The following KLHL1 variants were observed in gnomAD, a reference collection of about 807,000 sequenced individuals.
KLHL1 encodes kelch like family member 1, also known as kelch-like protein 1.
Under a neutral mutation model 77.7 loss-of-function variants are expected in KLHL1, and 47 were observed. The observed-to-expected ratio is 0.60, with a 90% CI of 0.48 to 0.77. The LOEUF (loss-of-function observed/expected upper bound fraction) is 0.77, where lower values mean the gene tolerates loss of function less well. KLHL1 is among the 30% of genes least tolerant of loss of function. The pLI, the probability that KLHL1 is intolerant of heterozygous loss-of-function variation, is 0.00. For synonymous variants in KLHL1, 360 were observed against 325.2 expected (o/e 1.11, Z -1.15); for missense variants, 925 against 910.8 (o/e 1.02, Z -0.20).
Position 69,764,929 on chromosome 13 carries a change from C to CTTTTT in KLHL1, c.1640-24378_1640-24374dup, listed in dbSNP as rs71196263. Among the ~76,000 whole-genome samples, 395 of 39,714 alleles carry CTTTTT rather than the reference C, an allele frequency of 9.9e-3. 151 individuals carry two copies. The highest frequency in any genetic ancestry group is 0.012 in the Non-Finnish European group (268 of 22,404). 26.1% of individuals were successfully genotyped at this position (39,714 alleles called of 152,430 possible). On this transcript the variant is annotated intron_variant, in intron 7 of 10. Transcript: ENST00000377844. ...TCTCATGCTTTCATGTATATCTTTG[C>CTTTTT]TTTTTTTTTTTTTTTTTTTTTTTTT...
intron 3 of KLHL1, among the ~76,000 whole-genome samples, chr13:69,948,212 C>A (rs1321285311): frequency 1.3e-5 from 2 of 152,060 alleles, no homozygotes; most frequent in African/African-American, 2.4e-5. Flanking sequence ...AAGTGACTTC[C>A]TCAATTTCTC....
chr13:70,083,121 CA>C (rs796244476), intron 1 of KLHL1, among the ~76,000 whole-genome samples: 42 of 150,386 alleles, frequency 2.8e-4, no homozygotes, highest in African/African-American at 9.5e-4. Context: ...AGAAGTACAA[CA>C]AAAAAAAATC....
At chr13:70,034,888 G>A (rs1886200449) in intron 1 of KLHL1, among the ~76,000 whole-genome samples, 1 of 152,016 alleles carries the variant, frequency 6.6e-6, no homozygotes. Context: ...ATGTTTCTAC[G>A]TGTATTTGAA....
rs369245729 is a variant in KLHL1 at position 69,994,206 on chromosome 13, A to G, written c.498-18404T>C. Among the ~76,000 whole-genome samples the G allele has an allele frequency of 1.0e-3, 158 of 152,274 alleles. 1 individual carries two copies. Among genetic ancestry groups the G allele is most frequent in the Non-Finnish European group, 1.3e-3 (91 of 68,006 alleles). On this transcript the variant is annotated intron_variant, in intron 1 of 10. Coordinates refer to ENST00000377844, the MANE Select transcript of KLHL1 (RefSeq NM_020866.3). The stretch of plus-strand genomic sequence containing the variant: ...CCCAAATCTAACAGTGATATACAAC[A>G]TAATGCCTGTTTACTACACAAGATC...
At chr13:70,059,234 C>T (rs896339663) in intron 1 of KLHL1, among the ~76,000 whole-genome samples, 1 of 151,280 alleles carries the variant, frequency 6.6e-6, no homozygotes, top group South Asian at 2.1e-4. Flanking sequence ...CCTTGGCTTA[C>T]TGCAACCTCT....
intron 6 of KLHL1, among the ~76,000 whole-genome samples, chr13:69,800,009 A>G (rs1481724724): frequency 6.6e-6 from 1 of 152,150 alleles, no homozygotes; most frequent in African/African-American, 2.4e-5. Context: ...GAGGTGGAAC[A>G]ATTTCACCCT....
intron 7 of KLHL1, among the ~76,000 whole-genome samples, chr13:69,764,209 C>G (rs1875157627): frequency 1.3e-5 from 2 of 152,198 alleles, no homozygotes; most frequent in South Asian, 4.1e-4. Context: ...TTCAGCCAAT[C>G]ACAGGTGATC....
At chr13:69,826,242 A>G (rs1878542599) in intron 6 of KLHL1, among the ~76,000 whole-genome samples, 1 of 152,164 alleles carries the variant, frequency 6.6e-6, no homozygotes, top group Non-Finnish European at 1.5e-5. Flanking sequence ...AATAAGTTAG[A>G]GATCAATTAT....
chr13:69,860,496 G>A (rs775654978), intron 5 of KLHL1, among the ~76,000 whole-genome samples: 1 of 151,920 alleles, frequency 6.6e-6, no homozygotes, highest in Non-Finnish European at 1.5e-5. Flanking sequence ...AAATGAATAA[G>A]TTGAAGGGAA....
chr13:69,939,362 T>C (rs1268993633), intron 4 of KLHL1, among the ~76,000 whole-genome samples: 2 of 87,216 alleles, frequency 2.3e-5, no homozygotes, highest in African/African-American at 8.9e-5. Flanking sequence ...TATATATATA[T>C]ATATATATAT....
At chr13:69,976,182 TAATTATACTATTCTAAATA>T (rs1481766620) in intron 1 of KLHL1, among the ~76,000 whole-genome samples, 1 of 152,014 alleles carries the variant, frequency 6.6e-6, no homozygotes, top group Non-Finnish European at 1.5e-5. Context: ...GAAGATAGCT[TAATTATACTATTCTAAATA>T]GAATTCTTGA....
intron 5 of KLHL1, among the ~76,000 whole-genome samples, chr13:69,877,088 A>C (rs562278459): frequency 6.6e-6 from 1 of 152,260 alleles, no homozygotes; most frequent in Non-Finnish European, 1.5e-5. Context: ...AGCAAAGTTT[A>C]TATCTCCAAC....
At chr13:69,720,327 T>C (rs1370259347) in intron 8 of KLHL1, among the ~76,000 whole-genome samples, 2 of 152,120 alleles carry the variant, frequency 1.3e-5, no homozygotes, top group Non-Finnish European at 2.9e-5. Flanking sequence ...CATTTAATCA[T>C]AGTCATGATT....
intron 4 of KLHL1, among the ~76,000 whole-genome samples, chr13:69,905,714 T>C (rs1882025167): frequency 1.3e-5 from 2 of 152,224 alleles, no homozygotes; most frequent in South Asian, 2.1e-4. Context: ...TATCATTATT[T>C]CCTTTTTTAG....
At chr13:70,021,875 T>C (rs1404014796) in intron 1 of KLHL1, among the ~76,000 whole-genome samples, 1 of 152,050 alleles carries the variant, frequency 6.6e-6, no homozygotes, top group Non-Finnish European at 1.5e-5. Flanking sequence ...TAAGGGTTCT[T>C]TGTATATTTT....
chr13:69,989,639 G>A (rs920498867), intron 1 of KLHL1, among the ~76,000 whole-genome samples: 4 of 151,766 alleles, frequency 2.6e-5, no homozygotes, highest in African/African-American at 7.3e-5. Context: ...ATTACTTTGA[G>A]GAGTGTTTTG....
chr13:70,063,447 G>A (rs1057457336), intron 1 of KLHL1, among the ~76,000 whole-genome samples: 29 of 152,100 alleles, frequency 1.9e-4, no homozygotes, highest in Middle Eastern at 3.4e-3. Context: ...TTGATCACTA[G>A]AACTGTGTAT....
chr13:70,102,000 T>A (rs754900706), intron 1 of KLHL1, among the ~76,000 whole-genome samples: 11 of 152,028 alleles, frequency 7.2e-5, no homozygotes, highest in Non-Finnish European at 1.6e-4. Context: ...CATTATATTA[T>A]TTTTTACTCT....
At chr13:69,779,569 C>T (rs1321398029) in intron 7 of KLHL1, among the ~76,000 whole-genome samples, 1 of 151,228 alleles carries the variant, frequency 6.6e-6, no homozygotes, top group East Asian at 1.9e-4. Context: ...CTAATGGTGT[C>T]TATATTTCTA....
Sources: allele counts gnomAD v4.1 joint callset (sites outside exome capture counted in the v4.1 genomes callset), GRCh38; gene constraint gnomAD v4.1.1; transcripts MANE v1.5; gene names NCBI Gene and HGNC (gene_info 2026-07-23, HGNC 2026-07-21).